Variants in ZMYM6 observed in about 807,000 individuals in gnomAD.
ZMYM6 encodes zinc finger MYM-type protein 6.
A neutral mutation model predicts 134.0 loss-of-function variants in ZMYM6; 90 were observed. The ratio of observed to expected loss-of-function variants is 0.67; its 90% CI spans 0.57 to 0.80. The LOEUF is 0.80. ZMYM6 is among the 30% of genes least tolerant of loss of function. ZMYM6 has a pLI of 0.00. For synonymous variants in ZMYM6, 481 were observed against 524.1 expected (o/e 0.92, Z 1.12); for missense variants, 1,362 against 1,533.9 (o/e 0.89, Z 1.87).
intron 2 of ZMYM6, among the ~76,000 whole-genome samples, chr1:35,022,922 A>C (rs1369755459): frequency 2.0e-5 from 3 of 151,900 alleles, no homozygotes. Flanking sequence ...TATGATCTTG[A>C]CTCCTAAACA....
chr1:35,019,259 T>G, intron 4 of ZMYM6, 94 bp downstream of exon 4: 1 of 1,551,560 alleles, frequency 6.4e-7, no homozygotes, highest in Non-Finnish European at 8.8e-7. Flanking sequence ...AGATACATGC[T>G]GAAGAGATTT....
At position 35,010,514 on chromosome 1, in the gene ZMYM6, A is replaced by C; in HGVS notation, c.1425T>G (p.Cys475Trp). 1 of 1,614,126 alleles carries C rather than the reference A, an allele frequency of 6.2e-7. No individual in the cohort carries two copies. The highest frequency in any genetic ancestry group is 1.1e-5 in the South Asian group (1 of 91,066). ...TCTCCTTTATAATTTTCTGCAGTTT[A>C]CAGTAGTCACACATTGCCACAACTT... ...KNKVVAMCDY[C>W]KLQKIIKETV... Residue 475 changes from cysteine (C) to tryptophan (W), a missense_variant, in exon 10 of 16, where the codon TGT (cysteine) becomes TGG (tryptophan). Cys to Trp is a radical substitution (Grantham distance 215). Transcript: ENST00000357182.
intron 15 of ZMYM6, chr1:34,989,244 A>G: frequency 9.4e-7 from 1 of 1,065,012 alleles, no homozygotes; most frequent in African/African-American, 1.7e-5. Flanking sequence ...TCAAATTAAC[A>G]ATAAACTTTT....
chr1:35,029,659 T>C (rs1641481890), intron 2 of ZMYM6, among the ~76,000 whole-genome samples: 1 of 152,194 alleles, frequency 6.6e-6, no homozygotes, highest in Admixed American at 6.5e-5. Context: ...GAACCATGCA[T>C]CTTTCCAACT....
At chr1:35,025,821 C>T (rs1158268027) in intron 2 of ZMYM6, among the ~76,000 whole-genome samples, 1 of 152,192 alleles carries the variant, frequency 6.6e-6, no homozygotes, top group South Asian at 2.1e-4. Context: ...TGACTTTTAA[C>T]GGGTTACTAT....
chr1:35,012,713 CA>C, intron 6 of ZMYM6, 132 bp from the exon 7 acceptor site: 1 of 1,444,146 alleles, frequency 6.9e-7, no homozygotes, highest in South Asian at 1.6e-5. Flanking sequence ...GATGAAACCA[CA>C]CTATTGGGAG....
chr1:35,008,217 A>G (rs1176488100), intron 11 of ZMYM6, among the ~76,000 whole-genome samples: 1 of 152,224 alleles, frequency 6.6e-6, no homozygotes, highest in Non-Finnish European at 1.5e-5. Context: ...TATTTATAAA[A>G]TGGCAGTAAT....
chr1:34,989,358 C>G, intron 15 of ZMYM6: 1 of 488,894 alleles, frequency 2.0e-6, no homozygotes, highest in African/African-American at 2.3e-5. Flanking sequence ...GGCAACATGG[C>G]GAAACTCCAT....
chr1:34,996,607 CCAT>C (rs1172626755), intron 14 of ZMYM6, among the ~76,000 whole-genome samples: 13 of 152,136 alleles, frequency 8.5e-5, no homozygotes, highest in Admixed American at 3.3e-4. Flanking sequence ...ACAAATGGCA[CCAT>C]GTTACACAAT....
In ZMYM6 at chr1:35,015,723, C is replaced by CAAA. The variant is rs1331400824; in HGVS notation, c.429-564_429-562dup. Among the ~76,000 whole-genome samples, 33 of 51,138 alleles carry CAAA rather than the reference C, an allele frequency of 6.5e-4. No homozygotes were observed. In the East Asian group the frequency reaches 1.0e-2, roughly 15 times the overall value. The allele number at this position is 51,138 out of a possible 152,430, so 33.5% of individuals were successfully genotyped here. ...TTGGCAACAGAGCTAGACTCCATCT[C>CAAA]AAAAAAAAAAAAAAAAAAAAATATA... On this transcript the variant is annotated intron_variant, in intron 4 of 15. Coordinates refer to ENST00000357182, the MANE Select transcript of ZMYM6 (RefSeq NM_007167.4).
chr1:35,025,484 A>G (rs903360439), intron 2 of ZMYM6, among the ~76,000 whole-genome samples: 9 of 150,662 alleles, frequency 6.0e-5, no homozygotes, highest in Non-Finnish European at 1.2e-4. Flanking sequence ...AAAAAAAAAA[A>G]AAAAGAAAGA....
rs1237884948 is a variant in ZMYM6, at chr1:35,030,465, GC to G, written c.93+81del. On this transcript the variant is annotated intron_variant, in intron 2 of 15. Transcript: ENST00000357182. ...GTTATTTTAAACTTACAAACCAGAA[GC>G]CGTTTAACTAAAATTTTTCAGTTGA... 10 of 1,336,356 alleles carry G rather than the reference GC, an allele frequency of 7.5e-6. No individual in the cohort carries two copies. The African/African-American group carries it at 1.3e-4, about 18-fold the overall frequency. 82.8% of individuals were successfully genotyped at this position (1,336,356 alleles called of 1,614,324 possible).
chr1:35,014,649 A>C, intron 6 of ZMYM6, 48 bp downstream of exon 6: 2 of 1,570,090 alleles, frequency 1.3e-6, no homozygotes, highest in Non-Finnish European at 1.7e-6. Flanking sequence ...TGTGCAGCCA[A>C]ATCAGAAGGA....
In ZMYM6 at chr1:34,987,075, G is replaced by A; in HGVS notation, c.*29C>T. ...ATACAAAACTTAACACAGGATTATT[G>A]ACTTCACTGTTAAGCAATGTGCATA... On this transcript the variant is annotated 3_prime_UTR_variant, in exon 16 of 16. Transcript: ENST00000357182. 2 of 1,412,830 alleles carry A rather than the reference G, an allele frequency of 1.4e-6. No homozygotes were observed. Among genetic ancestry groups the A allele is most frequent in the African/African-American group, 2.9e-5 (2 of 69,518 alleles). The allele number at this position is 1,412,830 out of a possible 1,614,324, so 87.5% of individuals were successfully genotyped here.
At chr1:34,995,377 T>C (rs2148444884) in intron 14 of ZMYM6, among the ~76,000 whole-genome samples, 1 of 151,058 alleles carries the variant, frequency 6.6e-6, no homozygotes, top group East Asian at 1.9e-4. Context: ...TCTATGTATA[T>C]AGGGTTCTAT....
Position 34,988,669 on chromosome 1 carries a change from CA to C in ZMYM6, c.2412del (p.Phe804LeufsTer6). On this transcript the variant is annotated frameshift_variant, in exon 16 of 16. Transcript: ENST00000357182. LOFTEE classifies it high-confidence loss of function. Reference sequence around the variant, plus strand: ...CATTCCATTTCTAAAGATTTTTGTTCAAAAAAATCTACTGGTTTGTTTTCTA... The same window carrying C: ...CATTCCATTTCTAAAGATTTTTGTTCAAAAAATCTACTGGTTTGTTTTCTA... ...SELENKPVDF[F>X]EQKSLEMECQ... 1.3e-6 allele frequency: 2 copies of C among 1,545,358 alleles called. No homozygotes were observed. The highest frequency in any genetic ancestry group is 1.7e-6 in the Non-Finnish European group (2 of 1,145,362).
At chr1:34,997,920 A>T (rs979961600) in intron 14 of ZMYM6, among the ~76,000 whole-genome samples, 2 of 152,166 alleles carry the variant, frequency 1.3e-5, no homozygotes, top group African/African-American at 4.8e-5. Flanking sequence ...ATTATTTATT[A>T]AATAATCCAT....
chr1:35,020,471 T>TAA lies in ZMYM6; in HGVS notation c.94-6_94-5dup, dbSNP rs11476047. 6.9e-5 allele frequency: 86 copies of TAA among 1,246,482 alleles called. No individual in the cohort carries two copies. Among genetic ancestry groups the TAA allele is most frequent in the South Asian group, 8.9e-5 (6 of 67,288 alleles). 77.2% of individuals were successfully genotyped at this position (1,246,482 alleles called of 1,614,324 possible). On this transcript the variant is annotated splice_region_variant and splice_polypyrimidine_tract_variant and intron_variant, in intron 2 of 15. Coordinates refer to ENST00000357182, the MANE Select transcript of ZMYM6 (RefSeq NM_007167.4). ...GCTGTTGGACACATCCATACTCCTTTAAAAAAAAAAAGAAAAGAGAAAAGA... is the reference window on the plus strand; with the variant it reads ...GCTGTTGGACACATCCATACTCCTTTAAAAAAAAAAAAAGAAAAGAGAAAAGA...
chr1:34,998,704 ATC>A (rs1640830001), intron 14 of ZMYM6, among the ~76,000 whole-genome samples: 1 of 152,196 alleles, frequency 6.6e-6, no homozygotes, highest in Non-Finnish European at 1.5e-5. Flanking sequence ...ATGGCTGTTA[ATC>A]ATATAAGTGT....
Sources: gnomAD v4.1 joint callset for allele counts (sites outside exome capture counted in the v4.1 genomes callset) on GRCh38, gnomAD v4.1.1 for gene constraint, MANE v1.5 for transcripts, NCBI Gene and HGNC (gene_info 2026-07-23, HGNC 2026-07-21) for gene names.